Variants in TMEM44 observed in about 807,000 individuals in gnomAD.
TMEM44 encodes transmembrane protein 44.
In TMEM44, 43 loss-of-function variants were observed where a neutral mutation model predicts 47.8. The observed-to-expected ratio is 0.90, with a 90% CI of 0.70 to 1.16. The LOEUF is 1.16. Ranked by LOEUF, TMEM44 falls within the 50% of genes most tolerant of loss-of-function variation. The pLI is 0.00. For missense variants in TMEM44, 568 were observed against 555.2 expected, an observed-to-expected ratio of 1.02 and a Z score of -0.23; for synonymous variants, 277 against 238.8, an observed-to-expected ratio of 1.16 and a Z score of -1.48.
chr3:194,623,546 G>C lies in TMEM44; in HGVS notation c.508C>G (p.Leu170Val). The change falls in exon 4 of 10, where the codon CTA (leucine) becomes GTA (valine). Residue 170 changes from leucine to valine, a missense_variant. Coordinates refer to ENST00000347147, the MANE Select transcript of TMEM44 (RefSeq NM_001011655.3). ...ATIRGPQRRL[L>V]ASLLQENTEI... ...AGCCTCACCTGCAGCAGGCTCGCTA[G>C]CAGCCTCCGCTGTGGCCCCCGGATG... 6.3e-7 allele frequency: 1 copy of C among 1,599,032 alleles called. No homozygotes were observed. Among genetic ancestry groups the C allele is most frequent in the South Asian group, 1.1e-5 (1 of 89,674 alleles).
In TMEM44 at chr3:194,620,593, A is replaced by G. The variant is rs571098388; in HGVS notation, c.612+2631T>C. 1.1e-3 allele frequency among the ~76,000 whole-genome samples: 170 copies of G among 152,328 alleles called. 1 individual carries two copies. The highest frequency in any genetic ancestry group is 4.1e-3 in the Admixed American group (63 of 15,300). On this transcript the variant is annotated intron_variant, in intron 5 of 9. Coordinates refer to ENST00000347147, the MANE Select transcript of TMEM44 (RefSeq NM_001011655.3). The stretch of plus-strand genomic sequence containing the variant: ...TCAGGACCGGGCAGCAACCGGGAAA[A>G]TAAAGGGGCACATTTCAGGTTGTTA...
chr3:194,608,251 C>G (rs536503697), intron 8 of TMEM44, among the ~76,000 whole-genome samples: 1 of 152,200 alleles, frequency 6.6e-6, no homozygotes, highest in African/African-American at 2.4e-5. Context: ...AGGTCATACA[C>G]AAGGTTCTGT....
In TMEM44 at chr3:194,605,607, C is replaced by T. The variant is rs113760948; in HGVS notation, c.1018-1162G>A. On this transcript the variant is annotated intron_variant, in intron 8 of 9. Coordinates refer to ENST00000347147, the MANE Select transcript of TMEM44 (RefSeq NM_001011655.3). Reference sequence around the variant, plus strand: ...ATCTCGTGAGACTAATTCACTGTCACGAGAACAGCACGGGAAAGACTTGAC... The same window carrying T: ...ATCTCGTGAGACTAATTCACTGTCATGAGAACAGCACGGGAAAGACTTGAC... Among the ~76,000 whole-genome samples the T allele has an allele frequency of 3.3e-3, 502 of 152,200 alleles. 6 individuals are homozygous for T. The highest frequency in any genetic ancestry group is 0.012 in the African/African-American group (479 of 41,512).
chr3:194,616,225 T>C (rs1366828408), intron 6 of TMEM44, among the ~76,000 whole-genome samples: 1 of 152,142 alleles, frequency 6.6e-6, no homozygotes, highest in Non-Finnish European at 1.5e-5. Context: ...GTAATTTTCG[T>C]ATTTTTAGTA....
At chr3:194,626,520 G>A (rs533851250) in intron 2 of TMEM44, among the ~76,000 whole-genome samples, 11 of 152,178 alleles carry the variant, frequency 7.2e-5, no homozygotes, top group East Asian at 3.9e-4. Context: ...TTTGAATCGC[G>A]GAATCTTGGC....
At chr3:194,599,119 A>G (rs1713764322) in intron 9 of TMEM44, among the ~76,000 whole-genome samples, 1 of 152,206 alleles carries the variant, frequency 6.6e-6, no homozygotes, top group Non-Finnish European at 1.5e-5. Context: ...AAAAGAAGTC[A>G]CGAACCAGAG....
At chr3:194,604,265 C>G in intron 9 of TMEM44, 22 bp downstream of exon 9, 1 of 1,570,548 alleles carries the variant, frequency 6.4e-7, no homozygotes, top group Non-Finnish European at 8.6e-7. Flanking sequence ...ACGCACCCGC[C>G]CAGCAGGCAA....
rs561009223 is a variant in TMEM44 at position 194,588,397 on chromosome 3, C to T, written c.*132G>A. ...GATGTAGCCCAGCCACACTCAGTGACGGCTCCTGGTTCCTCACTTGCCAGG... is the reference window on the plus strand; with the variant it reads ...GATGTAGCCCAGCCACACTCAGTGATGGCTCCTGGTTCCTCACTTGCCAGG... On this transcript the variant is annotated 3_prime_UTR_variant, in exon 10 of 10. Coordinates refer to ENST00000347147, the MANE Select transcript of TMEM44 (RefSeq NM_001011655.3). The T allele has an allele frequency of 6.0e-4, 434 of 728,196 alleles. No homozygotes were observed. The highest frequency in any genetic ancestry group is 9.1e-4 in the Non-Finnish European group (398 of 436,838). 45.1% of individuals were successfully genotyped at this position (728,196 alleles called of 1,614,324 possible).
intron 5 of TMEM44, 99 bp downstream of exon 5, chr3:194,623,125 G>C (rs766942111): frequency 1.7e-6 from 2 of 1,170,500 alleles, no homozygotes; most frequent in East Asian, 5.3e-5. Context: ...ATGCACCCAC[G>C]GTGACGCCAC....
chr3:194,609,819 G>A (rs780477237), intron 8 of TMEM44, among the ~76,000 whole-genome samples: 3 of 151,930 alleles, frequency 2.0e-5, no homozygotes, highest in Non-Finnish European at 2.9e-5. Context: ...CTGACTGCTC[G>A]GCTGCTACTC....
chr3:194,604,263 G>A (rs552072912), intron 9 of TMEM44, 24 bp downstream of exon 9: 59 of 1,569,018 alleles, frequency 3.8e-5, no homozygotes, highest in African/African-American at 1.9e-4. Context: ...CCACGCACCC[G>A]CCCAGCAGGC....
Position 194,633,143 on chromosome 3 carries a change from G to A in TMEM44, c.73C>T (p.Arg25Cys), listed in dbSNP as rs758778102. Residue 25 changes from arginine (R) to cysteine (C), a missense_variant, in exon 1 of 10, where the codon CGC becomes TGC. Physicochemically the swap from Arg to Cys is radical, Grantham distance 180. Coordinates refer to ENST00000347147, the MANE Select transcript of TMEM44 (RefSeq NM_001011655.3). ...DYLDRCFARH[R>C]VCISFGLWIC... is the part of the protein sequence containing the mutation. ...CACAGGCCGAAGGAGATGCAGACGC[G>A]GTGGCGGGCGAAGCAGCGGTCCAGG... 2 of 1,550,872 alleles carry A rather than the reference G, an allele frequency of 1.3e-6. No individual in the cohort carries two copies. The highest frequency in any genetic ancestry group is 1.9e-5 in the Admixed American group (1 of 51,284).
chr3:194,609,249 A>G (rs1452410339), intron 8 of TMEM44, among the ~76,000 whole-genome samples: 1 of 152,060 alleles, frequency 6.6e-6, no homozygotes, highest in African/African-American at 2.4e-5. Flanking sequence ...GGGAGGGGAA[A>G]GGACGGAGAC....
In TMEM44 at chr3:194,633,160, C is replaced by T; in HGVS notation, c.56G>A (p.Arg19His). ...GCAGACGCGGTGGCGGGCGAAGCAG[C>T]GGTCCAGGTAGTCCCAGTCCCAGAG... Reference protein sequence around the residue: ...PALWDWDYLDRCFARHRVCIS... With the variant: ...PALWDWDYLDHCFARHRVCIS... The change falls in exon 1 of 10, where the codon CGC (arginine) becomes CAC (histidine). Residue 19 changes from arginine (R) to histidine (H), a missense_variant. Physicochemically the swap from Arg to His is conservative, Grantham distance 29. Transcript: ENST00000347147. The T allele has an allele frequency of 6.5e-7, 1 of 1,548,590 alleles. No homozygotes were observed. The highest frequency in any genetic ancestry group is 8.7e-7 in the Non-Finnish European group (1 of 1,146,700).
chr3:194,588,457 T>C lies in TMEM44; in HGVS notation c.*72A>G. On this transcript the variant is annotated 3_prime_UTR_variant, in exon 10 of 10. Transcript: ENST00000347147. ...GTTCCTGCCGCGGTGTCAGTGCAGA[T>C]TGATTCCCGCTGCGTTACTGAACGA... 1.4e-6 allele frequency: 2 copies of C among 1,379,746 alleles called. No individual in the cohort carries two copies. Among genetic ancestry groups the C allele is most frequent in the Non-Finnish European group, 2.0e-6 (2 of 976,698 alleles). The allele number at this position is 1,379,746 out of a possible 1,614,324, so 85.5% of individuals were successfully genotyped here.
intron 9 of TMEM44, chr3:194,589,613 C>G (rs751442352): frequency 6.6e-6 from 1 of 152,050 alleles, no homozygotes; most frequent in African/African-American, 2.4e-5. Flanking sequence ...GTGAATAGTT[C>G]ATCACCGACT....
rs980411650 is a variant in TMEM44, at chr3:194,617,873, G to A, written c.613-604C>T. ...CTCACGACAGTGAGTGAGTTCTCCT[G>A]AGATCTGGCTGTTCAAAAATGTGTG... On this transcript the variant is annotated intron_variant, in intron 5 of 9. Transcript: ENST00000347147. The A allele has an allele frequency of 8.0e-6, 5 of 626,778 alleles. No homozygotes were observed. In the African/African-American group the frequency reaches 9.1e-5, roughly 11 times the overall value. The allele number at this position is 626,778 out of a possible 1,614,324, so 38.8% of individuals were successfully genotyped here.
intron 9 of TMEM44, among the ~76,000 whole-genome samples, chr3:194,601,020 A>G (rs111679705): frequency 6.6e-6 from 1 of 152,128 alleles, no homozygotes; most frequent in African/African-American, 2.4e-5. Context: ...GAGGTGGGTG[A>G]GGGTTATGCG....
chr3:194,604,440 G>GCCT lies in TMEM44; in HGVS notation c.1020_1022dup (p.Gly341dup), dbSNP rs1714547535. ...CACCTGGCAGCCTGGTGGCACTGCA[G>GCCT]CCTGCCTGCAAGGTGTGTGAGAAAG... On this transcript the variant is annotated inframe_insertion, in exon 9 of 10. Coordinates refer to ENST00000347147, the MANE Select transcript of TMEM44 (RefSeq NM_001011655.3). 1 of 1,514,568 alleles carries GCCT rather than the reference G, an allele frequency of 6.6e-7. No homozygotes were observed. The highest frequency in any genetic ancestry group is 2.1e-5 in the Admixed American group (1 of 47,494). 93.8% of individuals were successfully genotyped at this position (1,514,568 alleles called of 1,614,324 possible).
Sources: gnomAD v4.1 joint callset for allele counts (sites outside exome capture counted in the v4.1 genomes callset) on GRCh38, gnomAD v4.1.1 for gene constraint, MANE v1.5 for transcripts, NCBI Gene and HGNC (gene_info 2026-07-23, HGNC 2026-07-21) for gene names.